Variants in CYB561A3 observed in about 807,000 individuals in gnomAD.
The protein encoded by CYB561A3 is lysosomal membrane ascorbate-dependent ferrireductase CYB561A3.
A neutral mutation model predicts 25.3 loss-of-function variants in CYB561A3; 16 were observed. That is an observed-to-expected ratio of 0.63 (90% CI 0.43 to 0.96). The LOEUF (loss-of-function observed/expected upper bound fraction) is 0.96, where lower values mean the gene tolerates loss of function less well. CYB561A3 is among the 40% of genes least tolerant of loss of function. The pLI is 0.00. For missense variants in CYB561A3, 219 were observed against 307.5 expected (o/e 0.71, Z 2.15); for synonymous variants, 131 against 129.9 (o/e 1.01, Z -0.06).
Position 61,349,530 on chromosome 11 carries a change from G to T in CYB561A3, c.*869C>A. 1 of 702,878 alleles carries T rather than the reference G, an allele frequency of 1.4e-6. No individual in the cohort carries two copies. The highest frequency in any genetic ancestry group is 1.5e-5 in the South Asian group (1 of 67,570). The allele number at this position is 702,878 out of a possible 1,614,324, so 43.5% of individuals were successfully genotyped here. A position where few individuals can be genotyped will look rare whatever the true frequency, so the allele number is the denominator to read the frequency against. On this transcript the variant is annotated 3_prime_UTR_variant, in exon 7 of 7. Coordinates refer to ENST00000294072, the MANE Select transcript of CYB561A3 (RefSeq NM_153611.6). ...ACTCATCGCTACTGGGACATCTGGG[G>T]ACAGGCTCTGTTCTTGGGAGAGCAG...
At chr11:61,351,280 CTTTCT>C in intron 5 of CYB561A3, 133 bp from the exon 6 acceptor site, 6 of 718,920 alleles carry the variant, frequency 8.3e-6, no homozygotes, top group Middle Eastern at 4.4e-4. Flanking sequence ...TTTTAACACC[CTTTCT>C]TTTTTTTTTT....
At chr11:61,350,730 A>G in intron 6 of CYB561A3, 2 of 595,316 alleles carry the variant, frequency 3.4e-6, no homozygotes, top group Non-Finnish European at 5.8e-6. Flanking sequence ...ATAAGGCCAC[A>G]CTTCACCCCA....
Position 61,350,722 on chromosome 11 carries a change from A to G in CYB561A3, c.705+269T>C, listed in dbSNP as rs1857361891. The G allele has an allele frequency of 2.0e-5, 12 of 592,494 alleles. No homozygotes were observed. The Admixed American group carries it at 3.4e-4, about 17-fold the overall frequency. The allele number at this position is 592,494 out of a possible 1,614,324, so 36.7% of individuals were successfully genotyped here. On this transcript the variant is annotated intron_variant, in intron 6 of 6. Transcript: ENST00000294072. ...CAAGCCCTTCCTTGGGGAAGAAGAT[A>G]AGGCCACACTTCACCCCACAGAACC...
At chr11:61,357,080 C>T (rs1237935644) in intron 2 of CYB561A3, 3 of 1,408,950 alleles carry the variant, frequency 2.1e-6, no homozygotes. Context: ...CCACCCCATA[C>T]CCCCCAGGAA....
chr11:61,353,672 C>T (rs1857523571), intron 4 of CYB561A3, 112 bp downstream of exon 4: 2 of 1,161,338 alleles, frequency 1.7e-6, no homozygotes, highest in Non-Finnish European at 2.5e-6. Flanking sequence ...TAACAATCTG[C>T]AAGTCCCTCT....
intron 5 of CYB561A3, 120 bp downstream of exon 5, chr11:61,352,865 G>A: frequency 6.4e-7 from 1 of 1,562,020 alleles, no homozygotes; most frequent in South Asian, 1.2e-5. Flanking sequence ...TCCAGATCAG[G>A]AGTGGACCCA....
Position 61,349,550 on chromosome 11 carries a change from G to C in CYB561A3, c.*849C>G. ...CTGGGGACAGGCTCTGTTCTTGGGA[G>C]AGCAGGTCACCAGGATTTGTAGGGC... On this transcript the variant is annotated 3_prime_UTR_variant, in exon 7 of 7. Transcript: ENST00000294072. 1.4e-6 allele frequency: 1 copy of C among 702,992 alleles called. No homozygotes were observed. The highest frequency in any genetic ancestry group is 2.6e-6 in the Non-Finnish European group (1 of 384,986). The allele number at this position is 702,992 out of a possible 1,614,324, so 43.5% of individuals were successfully genotyped here. A position where few individuals can be genotyped will look rare whatever the true frequency, so the allele number is the denominator to read the frequency against.
chr11:61,351,084 C>A lies in CYB561A3; in HGVS notation c.612G>T (p.Gly204=). 6.2e-7 allele frequency: 1 copy of A among 1,614,014 alleles called. No homozygotes were observed. The highest frequency in any genetic ancestry group is 8.5e-7 in the Non-Finnish European group (1 of 1,179,988). ...GCAGCCCAAAGGCCACCACCAGCAT[C>A]CCGGTGCTGTTGGCAAAGACCGCCT... is the stretch of plus-strand genomic sequence containing the variant. ...PSEAVFANST[G]MLVVAFGLLV... is the part of the protein sequence containing the mutation. The change falls in exon 6 of 7, where the codon GGG becomes GGT. Residue 204 remains glycine, a synonymous_variant. Transcript: ENST00000294072.
chr11:61,353,687 G>T, intron 4 of CYB561A3, 97 bp downstream of exon 4: 1 of 1,266,182 alleles, frequency 7.9e-7, no homozygotes, highest in Non-Finnish European at 1.1e-6. Context: ...CCCTCTCCAA[G>T]CAGTGAGCAG....
At chr11:61,356,430 CCCCAAG>C in intron 3 of CYB561A3, 94 bp downstream of exon 3, 1 of 966,350 alleles carries the variant, frequency 1.0e-6, no homozygotes, top group Non-Finnish European at 1.4e-6. Context: ...ACCCCCATAG[CCCCAAG>C]CCCAACATTT....
intron 5 of CYB561A3, 133 bp from the exon 6 acceptor site, chr11:61,351,280 C>A: frequency 5.6e-6 from 4 of 718,920 alleles, no homozygotes; most frequent in East Asian, 3.7e-5. Context: ...TTTTAACACC[C>A]TTTCTTTTTT....
chr11:61,353,758 C>T (rs1245980940), intron 4 of CYB561A3, 26 bp downstream of exon 4: 5 of 1,613,184 alleles, frequency 3.1e-6, no homozygotes, highest in South Asian at 2.2e-5. Context: ...CTGGGAACCT[C>T]GAGGAGGAGA....
intron 1 of CYB561A3, chr11:61,358,849 A>G (rs1345946823): frequency 6.6e-6 from 1 of 152,212 alleles, no homozygotes; most frequent in Admixed American, 6.5e-5. Context: ...CAGCCATGCC[A>G]TGCCAGCTCT....
At chr11:61,361,382 G>C (rs899865089) in intron 1 of CYB561A3, 1 of 152,124 alleles carries the variant, frequency 6.6e-6, no homozygotes, top group East Asian at 1.9e-4. Flanking sequence ...CCTTAGCACC[G>C]GAATAATTAT....
intron 1 of CYB561A3, among the ~76,000 whole-genome samples, chr11:61,361,440 A>C (rs1171125567): frequency 6.6e-6 from 1 of 152,130 alleles, no homozygotes; most frequent in Non-Finnish European, 1.5e-5. Flanking sequence ...GTGTCCAAAG[A>C]ACCGTTCCAG....
rs1287519248 is a variant in CYB561A3 at position 61,349,549 on chromosome 11, A to G, written c.*850T>C. 2.8e-6 allele frequency: 2 copies of G among 702,978 alleles called. No individual in the cohort carries two copies. Among genetic ancestry groups the G allele is most frequent in the Non-Finnish European group, 5.2e-6 (2 of 384,978 alleles). 43.5% of individuals were successfully genotyped at this position (702,978 alleles called of 1,614,324 possible). ...TCTGGGGACAGGCTCTGTTCTTGGG[A>G]GAGCAGGTCACCAGGATTTGTAGGG... On this transcript the variant is annotated 3_prime_UTR_variant, in exon 7 of 7. Coordinates refer to ENST00000294072, the MANE Select transcript of CYB561A3 (RefSeq NM_153611.6).
Position 61,350,332 on chromosome 11 carries a change from G to A in CYB561A3, c.*67C>T. ...TGAAACCAGCCGGGAGCCCTGGGAA[G>A]AGCAGAGCTTCTGAGGGGAGCACAG... On this transcript the variant is annotated 3_prime_UTR_variant, in exon 7 of 7. Transcript: ENST00000294072. 1 of 1,576,680 alleles carries A rather than the reference G, an allele frequency of 6.3e-7. No homozygotes were observed. Among genetic ancestry groups the A allele is most frequent in the Non-Finnish European group, 8.6e-7 (1 of 1,159,924 alleles).
chr11:61,357,200 T>C, intron 2 of CYB561A3: 1 of 1,551,382 alleles, frequency 6.4e-7, no homozygotes, highest in South Asian at 1.2e-5. Flanking sequence ...ACCCCACTAT[T>C]ACCCTAGACA....
Position 61,353,802 on chromosome 11 carries a change from G to A in CYB561A3, c.375C>T (p.Val125=). 6.2e-7 allele frequency: 1 copy of A among 1,614,236 alleles called. No individual in the cohort carries two copies. Among genetic ancestry groups the A allele is most frequent in the Non-Finnish European group, 8.5e-7 (1 of 1,180,038 alleles). Residue 125 remains valine, a synonymous_variant, in exon 4 of 7, where the codon GTC becomes GTT. Transcript: ENST00000294072. ...SLHSWLGITT[V]FLFACQWFLG... ...AACCCACCTGGCAGGCGAAGAGGAA[G>A]ACAGTGGTGATGCCCAGCCAGCTGT...
Sources: gnomAD v4.1 joint callset for allele counts (sites outside exome capture counted in the v4.1 genomes callset) on GRCh38, gnomAD v4.1.1 for gene constraint, MANE v1.5 for transcripts, NCBI Gene and HGNC (gene_info 2026-07-23, HGNC 2026-07-21) for gene names.